AUTS2: variants seen among roughly 807,000 people sequenced by gnomAD.
AUTS2 encodes the protein activator of transcription and developmental regulator AUTS2, also known as autism susceptibility gene 2 protein.
A neutral mutation model predicts 112.4 loss-of-function variants in AUTS2; 17 were observed. That is an observed-to-expected ratio of 0.15 (90% CI 0.10 to 0.23). AUTS2 has a LOEUF of 0.23. AUTS2 is among the 10% of genes least tolerant of loss of function. The pLI is 1.00. For synonymous variants in AUTS2, 751 were observed against 702.7 expected (o/e 1.07, Z -1.09); for missense variants, 1,510 against 1,701.6 (o/e 0.89, Z 1.98).
chr7:69,623,171 T>G (rs900272891), intron 1 of AUTS2, among the ~76,000 whole-genome samples: 2 of 152,160 alleles, frequency 1.3e-5, no homozygotes, highest in Non-Finnish European at 2.9e-5. Flanking sequence ...TCTGATCTAC[T>G]AAACATTAAT....
At chr7:69,646,232 A>G (rs1417755329) in intron 1 of AUTS2, among the ~76,000 whole-genome samples, 4 of 152,222 alleles carry the variant, frequency 2.6e-5, no homozygotes. Context: ...ATTTTTTTAA[A>G]AAAGCAGGCT....
At chr7:69,725,720 G>A (rs1786477326) in intron 1 of AUTS2, among the ~76,000 whole-genome samples, 1 of 152,076 alleles carries the variant, frequency 6.6e-6, no homozygotes. Context: ...TGAGGGGAAG[G>A]TATGCTGGTA....
chr7:69,866,448 A>G (rs1324830580), intron 1 of AUTS2, among the ~76,000 whole-genome samples: 2 of 152,164 alleles, frequency 1.3e-5, no homozygotes, highest in Admixed American at 1.3e-4. Context: ...TTGTTGCTCT[A>G]GGTATAAATG....
At chr7:70,301,937 G>T (rs537090392) in intron 4 of AUTS2, among the ~76,000 whole-genome samples, 181 of 146,858 alleles carry the variant, frequency 1.2e-3, no homozygotes, top group African/African-American at 4.1e-3. Flanking sequence ...GTTTTTTGTG[G>T]TTTTTTTTTT....
intron 4 of AUTS2, among the ~76,000 whole-genome samples, chr7:70,379,722 A>G (rs1178934257): frequency 6.6e-6 from 1 of 152,214 alleles, no homozygotes; most frequent in Non-Finnish European, 1.5e-5. Context: ...TCAACAAGGA[A>G]GTAAAGGGGA....
intron 5 of AUTS2, among the ~76,000 whole-genome samples, chr7:70,581,924 G>A (rs1310631806): frequency 3.9e-5 from 6 of 151,960 alleles, no homozygotes; most frequent in Non-Finnish European, 7.4e-5. Context: ...GTCAAAGGTG[G>A]GGCCAAAATT....
chr7:70,024,876 T>G (rs2129555717), intron 2 of AUTS2, among the ~76,000 whole-genome samples: 1 of 152,362 alleles, frequency 6.6e-6, no homozygotes, highest in East Asian at 1.9e-4. Flanking sequence ...TACTTGAAGT[T>G]AACTGATTGT....
intron 2 of AUTS2, among the ~76,000 whole-genome samples, chr7:70,044,238 T>C (rs907598243): frequency 1.3e-5 from 2 of 152,186 alleles, no homozygotes; most frequent in African/African-American, 4.8e-5. Flanking sequence ...TCTGTAGAAG[T>C]AAGCATGAGA....
chr7:70,488,904 C>A (rs556327813), intron 5 of AUTS2, among the ~76,000 whole-genome samples: 3 of 152,314 alleles, frequency 2.0e-5, no homozygotes, highest in African/African-American at 4.8e-5. Flanking sequence ...CCCACGGGCT[C>A]ACTTTTCCCA....
chr7:69,614,367 T>TCTTTCTTTCTTTTC (rs57602451), intron 1 of AUTS2, among the ~76,000 whole-genome samples: 21 of 90,278 alleles, frequency 2.3e-4, no homozygotes, highest in South Asian at 4.3e-4. Flanking sequence ...TTTCTTTCTT[T>TCTTTCTTTCTTTTC]TTTTAAGAGA....
At chr7:70,712,874 T>G (rs545291419) in intron 6 of AUTS2, among the ~76,000 whole-genome samples, 107 of 152,302 alleles carry the variant, frequency 7.0e-4, no homozygotes, top group Non-Finnish European at 6.6e-4. Flanking sequence ...AGCCTCCATA[T>G]CCTGGGCTCA....
intron 4 of AUTS2, among the ~76,000 whole-genome samples, chr7:70,173,360 CAA>C (rs770800747): frequency 3.1e-4 from 27 of 88,482 alleles, no homozygotes; most frequent in Admixed American, 7.5e-4. Flanking sequence ...GACCCCGTCT[CAA>C]AAAAAAAAAA....
At chr7:70,434,093 C>T (rs1298682643) in intron 4 of AUTS2, among the ~76,000 whole-genome samples, 1 of 152,148 alleles carries the variant, frequency 6.6e-6, no homozygotes, top group Non-Finnish European at 1.5e-5. Flanking sequence ...ACATCACGTT[C>T]TTATACACTC....
At chr7:70,431,670 C>T (rs1222533071) in intron 4 of AUTS2, among the ~76,000 whole-genome samples, 1 of 152,250 alleles carries the variant, frequency 6.6e-6, no homozygotes, top group East Asian at 1.9e-4. Flanking sequence ...CAGGCGTGAG[C>T]CCCGTCACCC....
At chr7:70,401,235 C>T (rs1794313896) in intron 4 of AUTS2, among the ~76,000 whole-genome samples, 1 of 152,152 alleles carries the variant, frequency 6.6e-6, no homozygotes, top group South Asian at 2.1e-4. Context: ...CACACCTGCT[C>T]CCCTTTCTGT....
rs879516535 is a variant in AUTS2, at chr7:70,235,302, TA to T, written c.660+100744del. On this transcript the variant is annotated intron_variant, in intron 4 of 18. Transcript: ENST00000342771. Reference sequence around the variant, plus strand: ...TCACATGCTACCACCCATGGCTAATTAAAAAAAAAAAAATGTGTGGAGACAG... The same window carrying T: ...TCACATGCTACCACCCATGGCTAATTAAAAAAAAAAAATGTGTGGAGACAG... Among the ~76,000 whole-genome samples the T allele has an allele frequency of 2.7e-3, 383 of 142,676 alleles. 1 individual carries two copies. The highest frequency in any genetic ancestry group is 4.1e-3 in the East Asian group (20 of 4,898). 93.6% of individuals were successfully genotyped at this position (142,676 alleles called of 152,430 possible).
Position 70,751,658 on chromosome 7 carries a change from C to T in AUTS2, c.743-11212C>T, listed in dbSNP as rs183231601. 5.9e-5 allele frequency among the ~76,000 whole-genome samples: 9 copies of T among 152,214 alleles called. No individual in the cohort carries two copies. In the East Asian group the frequency reaches 1.4e-3, roughly 23 times the overall value. ...GTTTGTTTGAAAATCCTTTTAGAAC[C>T]TTGCCTTGTTAGGACCTCCTACACC... On this transcript the variant is annotated intron_variant, in intron 6 of 18. Coordinates refer to ENST00000342771, the MANE Select transcript of AUTS2 (RefSeq NM_015570.4).
intron 2 of AUTS2, among the ~76,000 whole-genome samples, chr7:69,971,762 G>T (rs1226316434): frequency 6.6e-6 from 1 of 152,158 alleles, no homozygotes; most frequent in Non-Finnish European, 1.5e-5. Context: ...ATGTTTTAGA[G>T]ATTCGTTCAA....
intron 2 of AUTS2, among the ~76,000 whole-genome samples, chr7:70,058,567 G>T (rs917107239): frequency 2.0e-5 from 3 of 150,598 alleles, no homozygotes; most frequent in Non-Finnish European, 4.4e-5. Context: ...AGAAAAAATT[G>T]GTAATTTGTT....
Sources: gnomAD v4.1 joint callset for allele counts (sites outside exome capture counted in the v4.1 genomes callset) on GRCh38, gnomAD v4.1.1 for gene constraint, MANE v1.5 for transcripts, NCBI Gene and HGNC (gene_info 2026-07-23, HGNC 2026-07-21) for gene names.